The following LETM2 variants were observed in gnomAD, a reference collection of about 807,000 sequenced individuals.
The protein encoded by LETM2 is leucine zipper and EF-hand containing transmembrane protein 2.
A neutral mutation model predicts 59.6 loss-of-function variants in LETM2; 58 were observed. The observed-to-expected ratio is 0.97, with a 90% CI of 0.79 to 1.21. The LOEUF is 1.21. Among genes scored for constraint, LETM2 ranks in the 50% most tolerant of loss-of-function variants. The pLI, the probability that LETM2 is intolerant of heterozygous loss-of-function variation, is 0.00. For synonymous variants in LETM2, 199 were observed against 214.1 expected, an observed-to-expected ratio of 0.93 and a Z score of 0.62; for missense variants, 572 against 575.7, an observed-to-expected ratio of 0.99 and a Z score of 0.07.
intron 4 of LETM2, among the ~76,000 whole-genome samples, chr8:38,397,943 G>A (rs759201908): frequency 3.3e-5 from 5 of 151,958 alleles, no homozygotes; most frequent in Non-Finnish European, 7.4e-5. Context: ...AGCTCAGTAC[G>A]AGCCTGGCCA....
intron 2 of LETM2, among the ~76,000 whole-genome samples, chr8:38,389,119 A>C (rs1812007032): frequency 6.6e-6 from 1 of 152,068 alleles, no homozygotes; most frequent in South Asian, 2.1e-4. Flanking sequence ...ACATCACGTG[A>C]GGTCCTTAGA....
In LETM2 at chr8:38,407,364, T is replaced by C; in HGVS notation, c.1314T>C (p.Asp438=). ...DLAPQLKGTK[D]EDFIQPPPVT... is the part of the protein sequence containing the mutation. The stretch of plus-strand genomic sequence containing the variant: ...AACTCTCAGTTCTGATGTTTAAGGA[T>C]GAAGACTTTATACAGCCGCCACCAG... The change falls in exon 10 of 11, where the codon GAT becomes GAC. Residue 438 remains aspartate (D), a splice_region_variant and synonymous_variant. Coordinates refer to ENST00000379957, the MANE Select transcript of LETM2 (RefSeq NM_001286819.2). 1.2e-6 allele frequency: 2 copies of C among 1,606,902 alleles called. No homozygotes were observed. Among genetic ancestry groups the C allele is most frequent in the Non-Finnish European group, 1.7e-6 (2 of 1,173,676 alleles).
chr8:38,405,687 G>T (rs1219376393), intron 8 of LETM2, among the ~76,000 whole-genome samples: 1 of 152,202 alleles, frequency 6.6e-6, no homozygotes, highest in Non-Finnish European at 1.5e-5. Context: ...AGGCTAGTGG[G>T]TTCTTATTCT....
chr8:38,406,932 G>A lies in LETM2; in HGVS notation c.1219-14G>A, dbSNP rs767974990. The A allele has an allele frequency of 5.1e-6, 8 of 1,559,110 alleles. No individual in the cohort carries two copies. The South Asian group carries it at 8.9e-5, about 17-fold the overall frequency. On this transcript the variant is annotated splice_polypyrimidine_tract_variant and intron_variant, in intron 8 of 10. Coordinates refer to ENST00000379957, the MANE Select transcript of LETM2 (RefSeq NM_001286819.2). ...GCAGAAAGCTTATGATACATAAAAT[G>A]TTTATCTCCCCAGGCTCCAAAGACT...
chr8:38,386,030 G>T (rs927625369), upstream of LETM2, among the ~76,000 whole-genome samples: 11 of 152,200 alleles, frequency 7.2e-5, no homozygotes, highest in African/African-American at 2.7e-4. Context: ...AGAGGAATGC[G>T]CTCCTTCCGA....
At chr8:38,386,463 A>C (rs1405605015), upstream of LETM2, 1 of 152,212 alleles carries the variant, frequency 6.6e-6, no homozygotes, top group African/African-American at 2.4e-5. Context: ...GGGGCGAGGA[A>C]AGAGGCGGAA....
At chr8:38,399,618 A>G (rs1812999102) in intron 4 of LETM2, among the ~76,000 whole-genome samples, 2 of 152,030 alleles carry the variant, frequency 1.3e-5, no homozygotes, top group South Asian at 4.2e-4. Context: ...TACTCTACTA[A>G]AAATAAAAAA....
rs777762627 is a variant in LETM2, at chr8:38,404,449, C to A, written c.1161C>A (p.Arg387=). The change falls in exon 8 of 11, where the codon CGC becomes CGA. Residue 387 remains arginine, a synonymous_variant. Transcript: ENST00000379957. ...CTCCTTCCCTTTTGCTCCTGTCCCG[C>A]ACCTTCTACCTGATAGATGTGAAGC... is the stretch of plus-strand genomic sequence containing the variant. ...NVPPSLLLLS[R]TFYLIDVKPK... is the part of the protein sequence containing the mutation. 6.2e-7 allele frequency: 1 copy of A among 1,613,994 alleles called. No individual in the cohort carries two copies. The highest frequency in any genetic ancestry group is 8.5e-7 in the Non-Finnish European group (1 of 1,180,006).
At chr8:38,399,764 C>T (rs928709573) in intron 4 of LETM2, among the ~76,000 whole-genome samples, 5 of 130,302 alleles carry the variant, frequency 3.8e-5, no homozygotes, top group Admixed American at 3.6e-4. Context: ...GGTGACAGAG[C>T]GAAACTCCAT....
intron 8 of LETM2, chr8:38,404,811 C>G (rs1813583070): frequency 8.5e-6 from 2 of 235,706 alleles, no homozygotes. Context: ...GAAATCTCAT[C>G]TCTACTAAAC....
At chr8:38,389,347 G>C (rs1171993714) in intron 2 of LETM2, among the ~76,000 whole-genome samples, 1 of 152,010 alleles carries the variant, frequency 6.6e-6, no homozygotes, top group Non-Finnish European at 1.5e-5. Flanking sequence ...CTCCCGAGTA[G>C]CTGGGATTAC....
chr8:38,389,009 G>T (rs1811997731), intron 2 of LETM2, among the ~76,000 whole-genome samples: 1 of 151,608 alleles, frequency 6.6e-6, no homozygotes, highest in African/African-American at 2.4e-5. Flanking sequence ...CAGGTAATCC[G>T]CCAGCCTGGG....
intron 4 of LETM2, among the ~76,000 whole-genome samples, chr8:38,399,390 T>A (rs999607973): frequency 2.6e-5 from 4 of 152,174 alleles, no homozygotes; most frequent in African/African-American, 9.7e-5. Context: ...TAGAGTCCAT[T>A]TCCTAGTTTT....
At chr8:38,397,679 T>C (rs148220214) in intron 4 of LETM2, among the ~76,000 whole-genome samples, 2 of 152,204 alleles carry the variant, frequency 1.3e-5, no homozygotes, top group East Asian at 3.9e-4. Context: ...AAGGGAACGT[T>C]TGAAGCAGGG....
intron 2 of LETM2, among the ~76,000 whole-genome samples, chr8:38,391,893 T>C (rs1485781571): frequency 6.6e-6 from 1 of 151,508 alleles, no homozygotes; most frequent in Non-Finnish European, 1.5e-5. Context: ...GGTTTCACCA[T>C]GTTGGCCAGG....
rs34403974 is a variant in LETM2, at chr8:38,394,845, CAA to C, written c.645+625_645+626del. 7.0e-3 allele frequency among the ~76,000 whole-genome samples: 590 copies of C among 84,446 alleles called. 3 individuals carry two copies. Among genetic ancestry groups the C allele is most frequent in the African/African-American group, 0.018 (358 of 20,416 alleles). The allele number at this position is 84,446 out of a possible 152,430, so 55.4% of individuals were successfully genotyped here. A position where few individuals can be genotyped will look rare whatever the true frequency, so the allele number is the denominator to read the frequency against. On this transcript the variant is annotated intron_variant, in intron 4 of 10. Transcript: ENST00000379957. The stretch of plus-strand genomic sequence containing the variant: ...TGGGTGACAGGGGGAGACCCTGTCT[CAA>C]AAAAAAAAAAAAAAAAAAAATTCCC...
upstream of LETM2, among the ~76,000 whole-genome samples, chr8:38,385,813 C>T (rs1811752299): frequency 1.3e-5 from 2 of 152,198 alleles, no homozygotes; most frequent in South Asian, 4.1e-4. Context: ...CTCAGTTGGC[C>T]ATCCTAGGAA....
intron 8 of LETM2, 108 bp from the exon 9 acceptor site, chr8:38,406,838 A>C (rs1260438767): frequency 4.5e-6 from 3 of 673,758 alleles, no homozygotes; most frequent in Non-Finnish European, 8.0e-6. Flanking sequence ...GAAGTTAGGG[A>C]TTTAGTGGAA....
intron 8 of LETM2, among the ~76,000 whole-genome samples, chr8:38,406,216 C>G (rs573566116): frequency 6.6e-6 from 1 of 152,262 alleles, no homozygotes; most frequent in African/African-American, 2.4e-5. Context: ...AGGAGCTTAC[C>G]ATTTTAGTAA....
Sources: allele counts gnomAD v4.1 joint callset (sites outside exome capture counted in the v4.1 genomes callset), GRCh38; gene constraint gnomAD v4.1.1; transcripts MANE v1.5; gene names NCBI Gene and HGNC (gene_info 2026-07-23, HGNC 2026-07-21).